The following AP3S2 variants were observed in gnomAD, a reference collection of about 807,000 sequenced individuals.
The protein encoded by AP3S2 is AP-3 complex subunit sigma-2.
In AP3S2, 22 loss-of-function variants were observed where a neutral mutation model predicts 23.4. That is an observed-to-expected ratio of 0.94 (90% CI 0.67 to 1.34). The LOEUF is 1.34. AP3S2 is among the 40% of genes most tolerant of loss of function. AP3S2 has a pLI of 0.00. For synonymous variants in AP3S2, 86 were observed against 87.1 expected (o/e 0.99, Z 0.07); for missense variants, 241 against 236.9 (o/e 1.02, Z -0.11).
intron 3 of AP3S2, among the ~76,000 whole-genome samples, chr15:89,879,548 G>A (rs1413165314): frequency 6.6e-6 from 1 of 152,136 alleles, no homozygotes; most frequent in Non-Finnish European, 1.5e-5. Flanking sequence ...AAAAGCTCCA[G>A]AACTTAAATG....
intron 3 of AP3S2, among the ~76,000 whole-genome samples, chr15:89,873,760 G>A (rs1284890125): frequency 6.6e-6 from 1 of 151,784 alleles, no homozygotes; most frequent in Non-Finnish European, 1.5e-5. Flanking sequence ...CAACAAGGCT[G>A]TGAGTGTTTT....
chr15:89,882,214 A>G (rs1896586711), intron 3 of AP3S2, among the ~76,000 whole-genome samples: 1 of 152,184 alleles, frequency 6.6e-6, no homozygotes, highest in South Asian at 2.1e-4. Flanking sequence ...TTAGCAGAAT[A>G]GGCACAACCG....
chr15:89,857,564 G>A lies in AP3S2; in HGVS notation c.345+13911C>T, dbSNP rs1050094963. On this transcript the variant is annotated intron_variant, in intron 4 of 5. Transcript: ENST00000336418. ...ATTTTAAGTCATCTTAAATTCATTT[G>A]GGAAGTATAGAAGATATAAATGCCC... 3.9e-5 allele frequency among the ~76,000 whole-genome samples: 6 copies of A among 152,148 alleles called. No homozygotes were observed. In the South Asian group the frequency reaches 6.2e-4, roughly 16 times the overall value.
chr15:89,859,991 C>T (rs1416387485), intron 4 of AP3S2, among the ~76,000 whole-genome samples: 2 of 152,070 alleles, frequency 1.3e-5, no homozygotes, highest in African/African-American at 2.4e-5. Context: ...GTCTCGATCT[C>T]CTGACCTCGT....
At chr15:89,862,470 C>G (rs527985407) in intron 4 of AP3S2, among the ~76,000 whole-genome samples, 2 of 152,168 alleles carry the variant, frequency 1.3e-5, no homozygotes, top group South Asian at 4.1e-4. Flanking sequence ...ATGTCTGCAA[C>G]TAATTCTCAA....
At chr15:89,879,841 C>G (rs1896529295) in intron 3 of AP3S2, among the ~76,000 whole-genome samples, 1 of 152,002 alleles carries the variant, frequency 6.6e-6, no homozygotes, top group African/African-American at 2.4e-5. Context: ...CTCCTAACCT[C>G]AAAGTTAGGT....
chr15:89,865,664 A>T (rs1007785592), intron 4 of AP3S2: 4 of 152,168 alleles, frequency 2.6e-5, no homozygotes, highest in African/African-American at 9.7e-5. Context: ...TCTTCCTTCT[A>T]GAGGCCTCAC....
chr15:89,885,876 G>C (rs1896687439), intron 3 of AP3S2, among the ~76,000 whole-genome samples: 1 of 148,692 alleles, frequency 6.7e-6, no homozygotes, highest in Non-Finnish European at 1.5e-5. Context: ...GGGAGATGGA[G>C]GCTGCAGTGA....
intron 3 of AP3S2, among the ~76,000 whole-genome samples, chr15:89,874,995 G>C (rs1478241081): frequency 6.6e-6 from 1 of 152,142 alleles, no homozygotes; most frequent in East Asian, 1.9e-4. Context: ...TTTCAATGCA[G>C]ACATAAAAAT....
chr15:89,866,562 T>C (rs528398298), intron 4 of AP3S2, among the ~76,000 whole-genome samples: 2 of 151,516 alleles, frequency 1.3e-5, no homozygotes, highest in East Asian at 4.0e-4. Context: ...CTCGGCTCCC[T>C]GCAACCTCTG....
chr15:89,846,964 C>G (rs956888999), intron 4 of AP3S2, among the ~76,000 whole-genome samples: 1 of 152,180 alleles, frequency 6.6e-6, no homozygotes. Context: ...AGCCACCTCG[C>G]CTGGCCTCAT....
intron 5 of AP3S2, 69 bp downstream of exon 5, chr15:89,837,546 T>C (rs557984954): frequency 1.3e-6 from 2 of 1,581,064 alleles, no homozygotes; most frequent in African/African-American, 1.3e-5. Context: ...AACCAACACA[T>C]GTACACACTC....
chr15:89,873,287 T>C (rs2141883698), intron 3 of AP3S2, among the ~76,000 whole-genome samples: 1 of 82,234 alleles, frequency 1.2e-5, no homozygotes, highest in Middle Eastern at 5.8e-3. Flanking sequence ...GTCTGTCTTC[T>C]TTTTTTTTTT....
chr15:89,868,374 T>A lies in AP3S2; in HGVS notation c.345+3101A>T, dbSNP rs1271923560. Among the ~76,000 whole-genome samples the A allele has an allele frequency of 2.8e-4, 9 of 32,256 alleles. No individual in the cohort carries two copies. In the South Asian group the frequency reaches 5.1e-3, roughly 18 times the overall value. 21.2% of individuals were successfully genotyped at this position (32,256 alleles called of 152,430 possible). ...CAGCCCCCCGCCCGGCCAGCCGCCCTGTCCGGGAGGGAGGTGGGGGGGTCA... is the reference window on the plus strand; with the variant it reads ...CAGCCCCCCGCCCGGCCAGCCGCCCAGTCCGGGAGGGAGGTGGGGGGGTCA... On this transcript the variant is annotated intron_variant, in intron 4 of 5. Coordinates refer to ENST00000336418, the MANE Select transcript of AP3S2 (RefSeq NM_005829.5).
chr15:89,878,513 A>G (rs1169076396), intron 3 of AP3S2, among the ~76,000 whole-genome samples: 2 of 152,144 alleles, frequency 1.3e-5, no homozygotes, highest in Admixed American at 6.5e-5. Context: ...AAAACAATGA[A>G]TTTGCATTTT....
intron 4 of AP3S2, among the ~76,000 whole-genome samples, chr15:89,866,486 CCTTT>C (rs1437227039): frequency 6.6e-6 from 1 of 150,996 alleles, no homozygotes; most frequent in Non-Finnish European, 1.5e-5. Flanking sequence ...CAGACAACTT[CCTTT>C]TTTTTTTTTT....
At chr15:89,893,676 A>G (rs1237280159) in intron 1 of AP3S2, 5 of 558,360 alleles carry the variant, frequency 9.0e-6, no homozygotes, top group African/African-American at 1.9e-5. Flanking sequence ...GAAAAGGGTC[A>G]GCGAGAGCGG....
At chr15:89,854,578 T>G (rs1596197230) in intron 4 of AP3S2, among the ~76,000 whole-genome samples, 2 of 48,236 alleles carry the variant, frequency 4.1e-5, no homozygotes, top group Admixed American at 2.3e-4. Context: ...GTGGGGGGGG[T>G]CAGCACCCCC....
At chr15:89,886,670 T>G (rs1018967821) in intron 3 of AP3S2, 3 of 152,238 alleles carry the variant, frequency 2.0e-5, no homozygotes, top group African/African-American at 4.8e-5. Flanking sequence ...CACATTTCTA[T>G]AGCCTGCTAC....
Sources: gnomAD v4.1 joint callset for allele counts (sites outside exome capture counted in the v4.1 genomes callset) on GRCh38, gnomAD v4.1.1 for gene constraint, MANE v1.5 for transcripts, NCBI Gene and HGNC (gene_info 2026-07-23, HGNC 2026-07-21) for gene names.